Variants in RGPD6 observed in about 807,000 individuals in gnomAD.
RGPD6 encodes RANBP2 like and GRIP domain containing 6.
the RGPD6 span, among the ~76,000 whole-genome samples, chr2:110,604,810 CTTCG>C: frequency 6.8e-6 from 1 of 147,290 alleles, no homozygotes; most frequent in South Asian, 2.2e-4. Flanking sequence ...AGCCAAAGGT[CTTCG>C]TTCAAGTTGC....
At chr2:110,605,723 G>C in the RGPD6 span, among the ~76,000 whole-genome samples, 1 of 151,334 alleles carries the variant, frequency 6.6e-6, no homozygotes, top group Admixed American at 6.6e-5. Flanking sequence ...AGCATCCTTA[G>C]GGAGACTAAA....
chr2:110,599,411 C>CT, the RGPD6 span, among the ~76,000 whole-genome samples: 3 of 45,172 alleles, frequency 6.6e-5, no homozygotes, highest in Non-Finnish European at 8.9e-5. Flanking sequence ...TAAAACATTA[C>CT]TTTTTTTTTC....
the RGPD6 span, among the ~76,000 whole-genome samples, chr2:110,607,593 T>G: frequency 6.7e-6 from 1 of 149,670 alleles, no homozygotes; most frequent in African/African-American, 2.5e-5. Context: ...TTGAGGACAC[T>G]CTCTGTGACT....
At chr2:110,607,515 A>G in the RGPD6 span, among the ~76,000 whole-genome samples, 2 of 149,210 alleles carry the variant, frequency 1.3e-5, no homozygotes, top group East Asian at 2.0e-4. Context: ...TGAATTATCA[A>G]TTGATTGTGT....
the RGPD6 span, among the ~76,000 whole-genome samples, chr2:110,589,526 G>A: frequency 3.4e-3 from 503 of 149,022 alleles, no homozygotes; most frequent in African/African-American, 0.012. Context: ...CAATCAGCCG[G>A]TTTGCAGTTC....
At chr2:110,592,395 TC>T in the RGPD6 span, among the ~76,000 whole-genome samples, 3 of 133,756 alleles carry the variant, frequency 2.2e-5, 1 homozygote, top group African/African-American at 6.4e-5. Context: ...GTTCTGACTT[TC>T]TGTTTATATG....
At chr2:110,595,840 CCT>C in the RGPD6 span, among the ~76,000 whole-genome samples, 1 of 141,454 alleles carries the variant, frequency 7.1e-6, no homozygotes. Context: ...CATCAGTCCC[CCT>C]TTTTTGCCAT....
chr2:110,594,435 G>GA, the RGPD6 span, among the ~76,000 whole-genome samples: 7 of 72,714 alleles, frequency 9.6e-5, no homozygotes, highest in Non-Finnish European at 1.8e-4. Flanking sequence ...AATCGGGCAA[G>GA]AAAAAAAAAT....
the RGPD6 span, among the ~76,000 whole-genome samples, chr2:110,605,136 C>T: frequency 1.3e-5 from 2 of 152,124 alleles, no homozygotes; most frequent in Middle Eastern, 3.4e-3. Context: ...CTCCAAAACA[C>T]GCCCCACACG....
At chr2:110,589,434 T>C in the RGPD6 span, among the ~76,000 whole-genome samples, 3 of 152,148 alleles carry the variant, frequency 2.0e-5, no homozygotes, top group East Asian at 1.9e-4. Context: ...ATATACAACA[T>C]TGCCCCCTTA....
At chr2:110,604,438 A>C in the RGPD6 span, among the ~76,000 whole-genome samples, 1 of 142,962 alleles carries the variant, frequency 7.0e-6, no homozygotes, top group African/African-American at 2.7e-5. Flanking sequence ...AAGACTGAGA[A>C]TAGGAAATGA....
the RGPD6 span, among the ~76,000 whole-genome samples, chr2:110,607,714 T>G: frequency 1.4e-5 from 2 of 147,766 alleles, no homozygotes; most frequent in African/African-American, 2.6e-5. Flanking sequence ...GGGATTAAGA[T>G]TCTCTTTTGC....
chr2:110,602,308 G>GA, the RGPD6 span, among the ~76,000 whole-genome samples: 1 of 124,084 alleles, frequency 8.1e-6, no homozygotes, highest in East Asian at 2.6e-4. Flanking sequence ...AGGACACTAG[G>GA]AAAGTTGCAA....
chr2:110,606,800 G>A, the RGPD6 span, among the ~76,000 whole-genome samples: 8 of 151,530 alleles, frequency 5.3e-5, no homozygotes, highest in Non-Finnish European at 1.5e-5. Flanking sequence ...CTATTTCATG[G>A]AAGCCTTTTT....
At chr2:110,592,944 G>T in the RGPD6 span, among the ~76,000 whole-genome samples, 1 of 146,868 alleles carries the variant, frequency 6.8e-6, no homozygotes, top group Non-Finnish European at 1.5e-5. Flanking sequence ...TATTACCAAG[G>T]TTATTCTACT....
the RGPD6 span, among the ~76,000 whole-genome samples, chr2:110,596,983 ATATGTT>A: frequency 1.6e-5 from 2 of 124,942 alleles, no homozygotes; most frequent in Non-Finnish European, 3.2e-5. Flanking sequence ...GTATATATAT[ATATGTT>A]TGTTTTTGAG....
intron 1 of RGPD6, 52 bp downstream of exon 1, chr2:110,576,895 CCCCCCT>C (rs1559150775): frequency 5.2e-6 from 4 of 776,382 alleles, no homozygotes; most frequent in South Asian, 3.7e-5. Flanking sequence ...GCCGCCGCCC[CCCCCCT>C]CCCCCCCCGG....
chr2:110,606,120 T>C, the RGPD6 span, among the ~76,000 whole-genome samples: 3 of 151,748 alleles, frequency 2.0e-5, no homozygotes, highest in Non-Finnish European at 4.4e-5. Flanking sequence ...AGAAAGAGGA[T>C]AGGAAATATC....
chr2:110,605,473 ACT>A, the RGPD6 span, among the ~76,000 whole-genome samples: 18 of 149,870 alleles, frequency 1.2e-4, no homozygotes, highest in Non-Finnish European at 2.1e-4. Flanking sequence ...CTTTCTTTGT[ACT>A]CTGTTTTGAC....
Sources: gnomAD v4.1 joint callset for allele counts (sites outside exome capture counted in the v4.1 genomes callset) on GRCh38, gnomAD v4.1.1 for gene constraint, MANE v1.5 for transcripts, NCBI Gene and HGNC (gene_info 2026-07-23, HGNC 2026-07-21) for gene names.